SEMA6D: variants seen among roughly 807,000 people sequenced by gnomAD.
The protein encoded by SEMA6D is semaphorin-6D.
Under a neutral mutation model 106.6 loss-of-function variants are expected in SEMA6D, and 35 were observed. The ratio of observed to expected loss-of-function variants is 0.33; its 90% CI spans 0.25 to 0.44. The LOEUF (loss-of-function observed/expected upper bound fraction) is 0.44. Ranked by LOEUF, SEMA6D falls within the 20% of genes least tolerant of loss-of-function variation. The pLI, the probability that SEMA6D is intolerant of heterozygous loss-of-function variation, is 1.00. For missense variants in SEMA6D, 1,185 were observed against 1,345.9 expected (o/e 0.88, Z 1.87); for synonymous variants, 499 against 487.7 (o/e 1.02, Z -0.31).
At chr15:47,191,192 T>TATATAC (rs1332060825) in intron 1 of SEMA6D, among the ~76,000 whole-genome samples, 1 of 151,818 alleles carries the variant, frequency 6.6e-6, no homozygotes, top group Non-Finnish European at 1.5e-5. Flanking sequence ...TATATATATA[T>TATATAC]ATATACTTGA....
chr15:47,663,588 A>T (rs1327954325), intron 4 of SEMA6D, among the ~76,000 whole-genome samples: 6 of 152,214 alleles, frequency 3.9e-5, no homozygotes, highest in Admixed American at 1.3e-4. Context: ...ATCATAGAAT[A>T]TTAGAACTAG....
intron 2 of SEMA6D, among the ~76,000 whole-genome samples, chr15:47,429,582 C>T (rs536750562): frequency 3.3e-5 from 5 of 152,190 alleles, no homozygotes; most frequent in African/African-American, 9.6e-5. Flanking sequence ...CAAAATTATG[C>T]ATTGACCATA....
Position 47,770,661 on chromosome 15 carries a change from G to C in SEMA6D, c.2098G>C (p.Asp700His). The part of the protein sequence containing the change: ...FVRKNRKIHK[D>H]AESAQSCTDS... ...TCGGAAAAACAGAAAGATCCATAAA[G>C]ATGCAGAGTCCGCCCAGTCATGCAC... The change falls in exon 19 of 19, where the codon GAT becomes CAT. Residue 700 changes from aspartate (D) to histidine (H), a missense_variant. Transcript: ENST00000536845. 1 of 1,614,108 alleles carries C rather than the reference G, an allele frequency of 6.2e-7. No homozygotes were observed. Among genetic ancestry groups the C allele is most frequent in the South Asian group, 1.1e-5 (1 of 91,084 alleles).
intron 1 of SEMA6D, chr15:47,359,710 A>T (rs981530800): frequency 3.9e-5 from 6 of 152,162 alleles, no homozygotes; most frequent in African/African-American, 1.4e-4. Flanking sequence ...AAGAAAAAAA[A>T]TGCTCCCAAC....
intron 3 of SEMA6D, among the ~76,000 whole-genome samples, chr15:47,589,867 A>G (rs916905645): frequency 2.6e-5 from 4 of 152,206 alleles, no homozygotes; most frequent in East Asian, 1.9e-4. Context: ...ATCTATAGCT[A>G]TGGGACAATC....
At chr15:47,292,202 C>A (rs945891757) in intron 1 of SEMA6D, among the ~76,000 whole-genome samples, 3 of 152,044 alleles carry the variant, frequency 2.0e-5, no homozygotes, top group Admixed American at 2.0e-4. Flanking sequence ...CCACTGTGTT[C>A]AGAGAACTGT....
chr15:47,414,459 A>G (rs1373017379), intron 2 of SEMA6D, among the ~76,000 whole-genome samples: 1 of 152,194 alleles, frequency 6.6e-6, no homozygotes, highest in Non-Finnish European at 1.5e-5. Flanking sequence ...AGGAAAAAAA[A>G]GTAAGAGAAA....
At chr15:47,356,185 A>G (rs930429915) in intron 1 of SEMA6D, among the ~76,000 whole-genome samples, 1 of 152,230 alleles carries the variant, frequency 6.6e-6, no homozygotes, top group African/African-American at 2.4e-5. Flanking sequence ...GAGAAAAGAA[A>G]AGAGATGGCA....
At chr15:47,571,396 A>G (rs2046377808) in intron 3 of SEMA6D, among the ~76,000 whole-genome samples, 1 of 152,212 alleles carries the variant, frequency 6.6e-6, no homozygotes, top group Non-Finnish European at 1.5e-5. Flanking sequence ...AAGAATGCCA[A>G]TTACAGATGC....
At chr15:47,200,327 G>C (rs1228588167) in intron 1 of SEMA6D, among the ~76,000 whole-genome samples, 1 of 152,028 alleles carries the variant, frequency 6.6e-6, no homozygotes, top group East Asian at 1.9e-4. Context: ...AGACTATAAA[G>C]GACTAGGAAA....
intron 4 of SEMA6D, among the ~76,000 whole-genome samples, chr15:47,637,770 A>G (rs1289106833): frequency 6.6e-6 from 1 of 152,140 alleles, no homozygotes; most frequent in East Asian, 1.9e-4. Flanking sequence ...AGGGTCTCCC[A>G]CTCCATTACC....
chr15:47,191,680 G>T (rs1411049362), intron 1 of SEMA6D, among the ~76,000 whole-genome samples: 3 of 152,160 alleles, frequency 2.0e-5, no homozygotes, highest in Non-Finnish European at 4.4e-5. Flanking sequence ...AAAATTAAAT[G>T]TATCAAATAA....
At chr15:47,763,291 G>A (rs547616038) in intron 9 of SEMA6D, among the ~76,000 whole-genome samples, 187 bp downstream of exon 9, 1 of 152,284 alleles carries the variant, frequency 6.6e-6, no homozygotes, top group African/African-American at 2.4e-5. Flanking sequence ...ACAATAACCT[G>A]AGTGGGAACA....
intron 2 of SEMA6D, among the ~76,000 whole-genome samples, chr15:47,430,486 T>TA (rs1215583215): frequency 2.6e-5 from 4 of 151,854 alleles, no homozygotes; most frequent in African/African-American, 9.7e-5. Flanking sequence ...AAAATATATA[T>TA]TTTTTACTCA....
chr15:47,282,502 G>A (rs1386225847), intron 1 of SEMA6D, among the ~76,000 whole-genome samples: 1 of 152,112 alleles, frequency 6.6e-6, no homozygotes, highest in Non-Finnish European at 1.5e-5. Flanking sequence ...CTACTATCGT[G>A]AGTACTGTTG....
chr15:47,207,723 G>T (rs141470234), intron 1 of SEMA6D, among the ~76,000 whole-genome samples: 1 of 152,108 alleles, frequency 6.6e-6, no homozygotes, highest in Non-Finnish European at 1.5e-5. Context: ...CATGAAAAAG[G>T]CAGTCCTCTA....
chr15:47,422,180 G>GCCTGCCTGCCTT lies in SEMA6D; in HGVS notation c.-159+9711_-159+9712insGCCTGCCTTCCT, dbSNP rs1455030787. On this transcript the variant is annotated intron_variant, in intron 2 of 19. Transcript: ENST00000558014. ...TTATTTTTTGCCCGCCCGCCTGCCT[G>GCCTGCCTGCCTT]CCTTCCTTCCTTCCTTCCTTCCTTC... 7.9e-3 allele frequency among the ~76,000 whole-genome samples: 895 copies of GCCTGCCTGCCTT among 112,752 alleles called. 9 individuals carry two copies. The highest frequency in any genetic ancestry group is 0.019 in the African/African-American group (614 of 31,842). The allele number at this position is 112,752 out of a possible 152,430, so 74.0% of individuals were successfully genotyped here.
intron 2 of SEMA6D, among the ~76,000 whole-genome samples, chr15:47,442,330 A>T (rs2041906737): frequency 1.3e-5 from 2 of 152,062 alleles, no homozygotes; most frequent in South Asian, 4.1e-4. Context: ...CTTGAGAAAG[A>T]TACCTTCCAT....
At chr15:47,234,591 A>G (rs2032420829) in intron 1 of SEMA6D, among the ~76,000 whole-genome samples, 1 of 152,066 alleles carries the variant, frequency 6.6e-6, no homozygotes, top group South Asian at 2.1e-4. Flanking sequence ...AAGTGAGAAC[A>G]TATGGCATTT....
Sources: gnomAD v4.1 joint callset for allele counts (sites outside exome capture counted in the v4.1 genomes callset) on GRCh38, gnomAD v4.1.1 for gene constraint, MANE v1.5 for transcripts, NCBI Gene and HGNC (gene_info 2026-07-23, HGNC 2026-07-21) for gene names.